RBMS3: variants seen among roughly 807,000 people sequenced by gnomAD.
RBMS3 encodes RNA-binding motif, single-stranded-interacting protein 3.
Under a neutral mutation model 66.8 loss-of-function variants are expected in RBMS3, and 27 were observed. That is an observed-to-expected ratio of 0.40 (90% CI 0.30 to 0.56). The LOEUF is 0.56. RBMS3 is among the 20% of genes least tolerant of loss of function. The pLI, the probability that RBMS3 is intolerant of heterozygous loss-of-function variation, is 0.40. For synonymous variants in RBMS3, 188 were observed against 183.0 expected, an observed-to-expected ratio of 1.03 and a Z score of -0.22; for missense variants, 513 against 549.5, an observed-to-expected ratio of 0.93 and a Z score of 0.66.
At chr3:29,913,068 C>T (rs923348349) in intron 10 of RBMS3, among the ~76,000 whole-genome samples, 1 of 151,906 alleles carries the variant, frequency 6.6e-6, no homozygotes, top group African/African-American at 2.4e-5. Context: ...TGGCTATCAT[C>T]ACTAGGTGGC....
intron 6 of RBMS3, among the ~76,000 whole-genome samples, chr3:29,837,837 A>G (rs2058564193): frequency 2.6e-5 from 4 of 150,950 alleles, no homozygotes; most frequent in Admixed American, 2.6e-4. Context: ...ATTCCTTCAT[A>G]CTTCCAGAGT....
chr3:29,586,093 G>A (rs2047511181), intron 3 of RBMS3, among the ~76,000 whole-genome samples: 1 of 152,050 alleles, frequency 6.6e-6, no homozygotes, highest in Non-Finnish European at 1.5e-5. Flanking sequence ...ACTTCTAAAT[G>A]AGATAAGTAT....
At chr3:29,704,737 G>T (rs1400399120) in intron 4 of RBMS3, among the ~76,000 whole-genome samples, 1 of 152,166 alleles carries the variant, frequency 6.6e-6, no homozygotes, top group Non-Finnish European at 1.5e-5. Flanking sequence ...GTTGATTTCA[G>T]ACTTTCTGAT....
intron 3 of RBMS3, among the ~76,000 whole-genome samples, chr3:29,522,183 C>A (rs2044885708): frequency 6.6e-6 from 1 of 151,914 alleles, no homozygotes; most frequent in African/African-American, 2.4e-5. Flanking sequence ...GAACACTGGC[C>A]CACCTAGTTT....
intron 3 of RBMS3, among the ~76,000 whole-genome samples, chr3:29,521,754 A>T (rs1426465673): frequency 6.6e-6 from 1 of 152,200 alleles, no homozygotes; most frequent in African/African-American, 2.4e-5. Context: ...TTTTCAGTAG[A>T]GGAAACTGAA....
At chr3:29,309,184 G>T (rs2034216601) in intron 1 of RBMS3, among the ~76,000 whole-genome samples, 1 of 150,822 alleles carries the variant, frequency 6.6e-6, no homozygotes, top group Non-Finnish European at 1.5e-5. Context: ...GCATCCTGCT[G>T]GAATGACACT....
chr3:29,856,340 G>C (rs924528989), intron 6 of RBMS3, among the ~76,000 whole-genome samples: 34 of 152,156 alleles, frequency 2.2e-4, no homozygotes, highest in Non-Finnish European at 4.4e-4. Flanking sequence ...TGATTAAGCA[G>C]GAAAAGAGAG....
chr3:29,991,455 G>A, intron 14 of RBMS3: 1 of 500,944 alleles, frequency 2.0e-6, no homozygotes, highest in South Asian at 2.4e-5. Flanking sequence ...CTGCTTCTGG[G>A]TGTTGCTAGC....
At chr3:29,490,769 G>T (rs1463936006) in intron 3 of RBMS3, among the ~76,000 whole-genome samples, 3 of 152,148 alleles carry the variant, frequency 2.0e-5, no homozygotes, top group Non-Finnish European at 4.4e-5. Context: ...ATGGCCAAGG[G>T]ATGTTCTGTC....
chr3:29,422,517 A>G (rs542869384), intron 1 of RBMS3, among the ~76,000 whole-genome samples: 5 of 152,034 alleles, frequency 3.3e-5, no homozygotes, highest in Admixed American at 6.6e-5. Context: ...GACTTAAAAT[A>G]TACTGAAAAT....
In RBMS3 at chr3:30,004,035, G is replaced by A; in HGVS notation, c.*173G>A. 1 of 416,678 alleles carries A rather than the reference G, an allele frequency of 2.4e-6. No homozygotes were observed. Among genetic ancestry groups the A allele is most frequent in the Non-Finnish European group, 4.1e-6 (1 of 242,960 alleles). 25.8% of individuals were successfully genotyped at this position (416,678 alleles called of 1,614,324 possible). ...AATGAAAGCAAAGTTTTTATGTGCT[G>A]TGCAAATGGTCTTCATGTGGTCTGA... On this transcript the variant is annotated 3_prime_UTR_variant, in exon 15 of 15. Transcript: ENST00000383767.
intron 2 of RBMS3, among the ~76,000 whole-genome samples, chr3:29,445,485 A>C (rs1383549698): frequency 6.6e-6 from 1 of 151,954 alleles, no homozygotes; most frequent in African/African-American, 2.4e-5. Flanking sequence ...GTGTTCCACC[A>C]AATCTGCTAA....
intron 2 of RBMS3, among the ~76,000 whole-genome samples, chr3:29,438,028 T>TTCTCTCTCTCTC (rs34431369): frequency 0.043 from 6,092 of 142,392 alleles, 169 homozygotes; most frequent in African/African-American, 0.061. Context: ...CCTTGCTTGT[T>TTCTCTCTCTCTC]TCTCTCTCTC....
intron 1 of RBMS3, among the ~76,000 whole-genome samples, chr3:29,425,823 C>T (rs933938873): frequency 2.6e-5 from 4 of 152,138 alleles, no homozygotes; most frequent in Non-Finnish European, 5.9e-5. Flanking sequence ...CAGAAATCTC[C>T]ATAAAGAGTT....
At position 29,983,709 on chromosome 3, in the gene RBMS3, A is replaced by G. The variant is rs147419374; in HGVS notation, c.1099-4434A>G. Among the ~76,000 whole-genome samples, 714 of 151,778 alleles carry G rather than the reference A, an allele frequency of 4.7e-3. 3 individuals carry two copies. The highest frequency in any genetic ancestry group is 0.017 in the African/African-American group (681 of 41,212). ...GGCTGGATATGAAATTCTGGGTAGA[A>G]AATTCTTTTAAGAACGTTGAATATT... On this transcript the variant is annotated intron_variant, in intron 12 of 14. Coordinates refer to ENST00000383767, the MANE Select transcript of RBMS3 (RefSeq NM_001003793.3).
chr3:29,352,926 CTT>C (rs60099747), intron 1 of RBMS3, among the ~76,000 whole-genome samples: 1 of 144,654 alleles, frequency 6.9e-6, no homozygotes. Context: ...TACATTCATT[CTT>C]TTTTTTTTTA....
intron 6 of RBMS3, among the ~76,000 whole-genome samples, chr3:29,801,443 T>G (rs1453279862): frequency 6.6e-6 from 1 of 151,842 alleles, no homozygotes; most frequent in Non-Finnish European, 1.5e-5. Context: ...AATTTTTGTA[T>G]TTTTAGTAGA....
chr3:29,900,755 A>G (rs1453491033), intron 10 of RBMS3, among the ~76,000 whole-genome samples: 1 of 151,814 alleles, frequency 6.6e-6, no homozygotes, highest in Non-Finnish European at 1.5e-5. Flanking sequence ...AAAAAAGTAT[A>G]CATGCTATGC....
Position 30,004,957 on chromosome 3 carries a change from AATAG to A in RBMS3, c.*1101_*1104del, listed in dbSNP as rs931938563. 3.3e-5 allele frequency: 5 copies of A among 151,490 alleles called. No homozygotes were observed. Among genetic ancestry groups the A allele is most frequent in the Admixed American group, 6.6e-5 (1 of 15,128 alleles). 9.4% of individuals were successfully genotyped at this position (151,490 alleles called of 1,614,324 possible). A position where few individuals can be genotyped will look rare whatever the true frequency, so the allele number is the denominator to read the frequency against. ...GCAAAAAAAAAAACAAAAAAAAAGC[AATAG>A]ATAGAGAAATTGTTGACAATTTCTG... On this transcript the variant is annotated 3_prime_UTR_variant, in exon 15 of 15. Coordinates refer to ENST00000383767, the MANE Select transcript of RBMS3 (RefSeq NM_001003793.3).
Sources: gnomAD v4.1 joint callset for allele counts (sites outside exome capture counted in the v4.1 genomes callset) on GRCh38, gnomAD v4.1.1 for gene constraint, MANE v1.5 for transcripts, NCBI Gene and HGNC (gene_info 2026-07-23, HGNC 2026-07-21) for gene names.